KCNQ1: variants seen among roughly 807,000 people sequenced by gnomAD.
KCNQ1 encodes potassium voltage-gated channel subfamily Q member 1.
A neutral mutation model predicts 72.4 loss-of-function variants in KCNQ1; 49 were observed. The observed-to-expected ratio is 0.68, with a 90% CI of 0.54 to 0.86. The LOEUF (loss-of-function observed/expected upper bound fraction) is 0.86, where lower values mean the gene tolerates loss of function less well. KCNQ1 is among the 40% of genes least tolerant of loss of function. The pLI, the probability that KCNQ1 is intolerant of heterozygous loss-of-function variation, is 0.00. For missense variants in KCNQ1, 790 were observed against 945.1 expected (o/e 0.84, Z 2.15); for synonymous variants, 450 against 412.6 (o/e 1.09, Z -1.10).
Position 2,698,206 on chromosome 11 carries a change from C to T in KCNQ1, c.1514+36125C>T. ...AAGGGGCACCACAGTAAAGAAAGAA[C>T]TGGTAAATGCACATCAAATGTGGAT... On this transcript the variant is annotated intron_variant, in intron 11 of 15. Coordinates refer to ENST00000155840, the MANE Select transcript of KCNQ1 (RefSeq NM_000218.3). The surrounding 1 kb of genome is among the most constrained non-coding windows in gnomAD (Gnocchi z 5.1). 1 of 398,626 alleles carries T rather than the reference C, an allele frequency of 2.5e-6. No homozygotes were observed. Among genetic ancestry groups the T allele is most frequent in the Admixed American group, 4.4e-5 (1 of 22,740 alleles). 24.7% of individuals were successfully genotyped at this position (398,626 alleles called of 1,614,324 possible).
chr11:2,796,992 C>A (rs1847149017), intron 15 of KCNQ1, among the ~76,000 whole-genome samples: 1 of 152,218 alleles, frequency 6.6e-6, no homozygotes, highest in South Asian at 2.1e-4. Flanking sequence ...GAAATTAGAT[C>A]CGTGGGGAGA....
rs1250255411 is a variant in KCNQ1 at position 2,492,424 on chromosome 11, A to G, written c.387-35504A>G. ...GTTTGTTACATACGTATACAGTGCC[A>G]TGGTGGTTTGCTGCACCTATCAACC... On this transcript the variant is annotated intron_variant, in intron 1 of 15. Coordinates refer to ENST00000155840, the MANE Select transcript of KCNQ1 (RefSeq NM_000218.3). The surrounding 1 kb of genome is among the most constrained non-coding windows in gnomAD (Gnocchi z 4.1). Among the ~76,000 whole-genome samples, 3 of 152,192 alleles carry G rather than the reference A, an allele frequency of 2.0e-5. No individual in the cohort carries two copies. The highest frequency in any genetic ancestry group is 2.9e-5 in the Non-Finnish European group (2 of 68,030).
rs899258621 is a variant in KCNQ1, at chr11:2,620,867, T to G, written c.1393+32013T>G. ...CCCAGCAACTTTTATTTTTTTGACT[T>G]TTTAATAATTGCCATTCTGACTGGT... is the stretch of plus-strand genomic sequence containing the variant. On this transcript the variant is annotated intron_variant, in intron 10 of 15. Transcript: ENST00000155840. This position sits in a 1 kb window ranked among gnomAD's most constrained non-coding sequence, Gnocchi z 4.5. The G allele has an allele frequency of 5.0e-6, 2 of 398,584 alleles. No homozygotes were observed. The highest frequency in any genetic ancestry group is 4.4e-6 in the Non-Finnish European group (1 of 226,060). 24.7% of individuals were successfully genotyped at this position (398,584 alleles called of 1,614,324 possible). A position where few individuals can be genotyped will look rare whatever the true frequency, so the allele number is the denominator to read the frequency against.
chr11:2,674,125 C>G lies in KCNQ1; in HGVS notation c.1514+12044C>G, dbSNP rs979079484. On this transcript the variant is annotated intron_variant, in intron 11 of 15. Coordinates refer to ENST00000155840, the MANE Select transcript of KCNQ1 (RefSeq NM_000218.3). The surrounding 1 kb of genome is among the most constrained non-coding windows in gnomAD (Gnocchi z 5.9). ...GAGGGAGGTGTGGAAGCTGGTTTGC[C>G]GGGGCCACCCAGTGTGGGCTCAGGA... The G allele has an allele frequency of 5.0e-6, 2 of 398,460 alleles. No individual in the cohort carries two copies. Among genetic ancestry groups the G allele is most frequent in the East Asian group, 7.1e-5 (2 of 28,072 alleles). 24.7% of individuals were successfully genotyped at this position (398,460 alleles called of 1,614,324 possible).
chr11:2,820,794 G>A (rs947631522), intron 15 of KCNQ1, among the ~76,000 whole-genome samples: 1 of 152,174 alleles, frequency 6.6e-6, no homozygotes, highest in Non-Finnish European at 1.5e-5. Context: ...CGTGGCTTCC[G>A]CCTCCCTTCC....
chr11:2,816,121 T>C lies in KCNQ1; in HGVS notation c.1795-31646T>C, dbSNP rs1847609237. On this transcript the variant is annotated intron_variant, in intron 15 of 15. Transcript: ENST00000155840. The surrounding 1 kb of genome is among the most constrained non-coding windows in gnomAD (Gnocchi z 6.8). The stretch of plus-strand genomic sequence containing the variant: ...GAGGACAGTAGCCAGGGGCAAGACC[T>C]CACACGCCTCTGCCCATCCTGGGAA... Among the ~76,000 whole-genome samples, 1 of 152,168 alleles carries C rather than the reference T, an allele frequency of 6.6e-6. No individual in the cohort carries two copies. Among genetic ancestry groups the C allele is most frequent in the Non-Finnish European group, 1.5e-5 (1 of 68,034 alleles).
Position 2,695,303 on chromosome 11 carries a change from T to C in KCNQ1, c.1514+33222T>C. 2.5e-6 allele frequency: 1 copy of C among 397,980 alleles called. No individual in the cohort carries two copies. The highest frequency in any genetic ancestry group is 3.6e-5 in the East Asian group (1 of 28,060). 24.7% of individuals were successfully genotyped at this position (397,980 alleles called of 1,614,324 possible). On this transcript the variant is annotated intron_variant, in intron 11 of 15. Coordinates refer to ENST00000155840, the MANE Select transcript of KCNQ1 (RefSeq NM_000218.3). The surrounding 1 kb of genome is among the most constrained non-coding windows in gnomAD (Gnocchi z 5.2). ...TGCTCTCCTCCCTACACAAACAGCT[T>C]CTCCAGGGTAATTTATTTATATCAT...
rs952421674 is a variant in KCNQ1 at position 2,815,811 on chromosome 11, GAGCTCC to G, written c.1795-31953_1795-31948del. Reference sequence around the variant, plus strand: ...CCAGCCCTTCCTGCTGGCCTCCCCAGAGCTCCAGGCTCTGAGGCCACACCCTCACCC... The same window carrying G: ...CCAGCCCTTCCTGCTGGCCTCCCCAGAGGCTCTGAGGCCACACCCTCACCC... On this transcript the variant is annotated intron_variant, in intron 15 of 15. Transcript: ENST00000155840. This position sits in a 1 kb window ranked among gnomAD's most constrained non-coding sequence, Gnocchi z 5.4. 2.8e-4 allele frequency among the ~76,000 whole-genome samples: 42 copies of G among 152,192 alleles called. No individual in the cohort carries two copies. Among genetic ancestry groups the G allele is most frequent in the Non-Finnish European group, 4.7e-4 (32 of 68,014 alleles).
chr11:2,586,510 C>T (rs567927865), intron 8 of KCNQ1, among the ~76,000 whole-genome samples: 2 of 152,296 alleles, frequency 1.3e-5, no homozygotes, highest in African/African-American at 4.8e-5. Context: ...AACCACAGGT[C>T]CTTTGAAAGG....
At chr11:2,590,250 C>T (rs1253546135) in intron 10 of KCNQ1, among the ~76,000 whole-genome samples, 1 of 152,224 alleles carries the variant, frequency 6.6e-6, no homozygotes, top group African/African-American at 2.4e-5. Context: ...CCTAGTACCT[C>T]GTGCAAAGGT....
chr11:2,586,009 G>T (rs74495359), intron 8 of KCNQ1, among the ~76,000 whole-genome samples: 3 of 152,202 alleles, frequency 2.0e-5, no homozygotes, highest in African/African-American at 7.2e-5. Flanking sequence ...TGAGAATTGC[G>T]TCCCTGTGGG....
At position 2,613,560 on chromosome 11, in the gene KCNQ1, G is replaced by T. The variant is rs957139409; in HGVS notation, c.1393+24706G>T. ...ATCATAACCCTGCTATTCTTAGGAAGGCTTAATATTTTTTCTTTAATTAGC... is the reference window on the plus strand; with the variant it reads ...ATCATAACCCTGCTATTCTTAGGAATGCTTAATATTTTTTCTTTAATTAGC... On this transcript the variant is annotated intron_variant, in intron 10 of 15. Coordinates refer to ENST00000155840, the MANE Select transcript of KCNQ1 (RefSeq NM_000218.3). This position sits in a 1 kb window ranked among gnomAD's most constrained non-coding sequence, Gnocchi z 4.8. The T allele has an allele frequency of 6.3e-5, 25 of 398,308 alleles. No individual in the cohort carries two copies. The highest frequency in any genetic ancestry group is 6.2e-4 in the Middle Eastern group (1 of 1,610). The allele number at this position is 398,308 out of a possible 1,614,324, so 24.7% of individuals were successfully genotyped here.
intron 11 of KCNQ1, among the ~76,000 whole-genome samples, chr11:2,717,038 C>T (rs954851205): frequency 3.9e-5 from 6 of 152,184 alleles, no homozygotes; most frequent in African/African-American, 9.7e-5. Flanking sequence ...TGACAAACAG[C>T]CCCCCAGATG....
Position 2,710,270 on chromosome 11 carries a change from T to G in KCNQ1, c.1514+48189T>G, listed in dbSNP as rs117294028. Among the ~76,000 whole-genome samples the G allele has an allele frequency of 1.9e-4, 29 of 152,364 alleles. No individual in the cohort carries two copies. The East Asian group carries it at 5.6e-3, about 29-fold the overall frequency. ...TTGAGCATCTTATTAGCCATTTGTA[T>G]CTCTTCTTTGAAGAAGTATGTATTC... On this transcript the variant is annotated intron_variant, in intron 11 of 15. Transcript: ENST00000155840. The surrounding 1 kb of genome is among the most constrained non-coding windows in gnomAD (Gnocchi z 4.1).
intron 1 of KCNQ1, among the ~76,000 whole-genome samples, chr11:2,511,236 C>T (rs757472353): frequency 1.4e-4 from 21 of 152,082 alleles, no homozygotes; most frequent in Non-Finnish European, 1.8e-4. Flanking sequence ...AAGGAGGAGA[C>T]GTGGGGTGGG....
chr11:2,632,394 T>C (rs570334741), intron 10 of KCNQ1: 6 of 398,442 alleles, frequency 1.5e-5, no homozygotes, highest in African/African-American at 1.2e-4. Flanking sequence ...AGAAAGCCAC[T>C]ACTATGTTTA....
intron 11 of KCNQ1, among the ~76,000 whole-genome samples, chr11:2,718,090 G>A (rs960830483): frequency 2.0e-4 from 31 of 152,288 alleles, no homozygotes; most frequent in Admixed American, 1.6e-3. Context: ...TGGAAGAGCC[G>A]GGTTGACACC....
chr11:2,686,905 C>A (rs1185663210), intron 11 of KCNQ1: 7 of 398,584 alleles, frequency 1.8e-5, no homozygotes, highest in Non-Finnish European at 3.1e-5. Flanking sequence ...ATAGAGGCAA[C>A]CCAATCCAGG....
chr11:2,838,352 C>T (rs234870), intron 15 of KCNQ1, among the ~76,000 whole-genome samples: 142,708 of 152,238 alleles, frequency 0.94, 67,566 homozygotes, highest in East Asian at 1. Flanking sequence ...ACCGGCGCGC[C>T]GGGAAGCAGG....
Sources: allele counts gnomAD v4.1 joint callset (sites outside exome capture counted in the v4.1 genomes callset), GRCh38; gene constraint gnomAD v4.1.1; non-coding constraint Gnocchi (gnomAD v3.1); transcripts MANE v1.5; gene names NCBI Gene and HGNC (gene_info 2026-07-23, HGNC 2026-07-21).